Variants in LRP5 observed in about 807,000 individuals in gnomAD.
The protein encoded by LRP5 is low-density lipoprotein receptor-related protein 5.
In LRP5, 62 loss-of-function variants were observed where a neutral mutation model predicts 154.1. That is an observed-to-expected ratio of 0.40 (90% CI 0.33 to 0.50). LRP5 has a LOEUF of 0.50. Ranked by LOEUF, LRP5 falls within the 20% of genes least tolerant of loss-of-function variation. LRP5 has a pLI of 0.55. For synonymous variants in LRP5, 966 were observed against 1,011.5 expected, an observed-to-expected ratio of 0.96 and a Z score of 0.85; for missense variants, 1,915 against 2,336.7, an observed-to-expected ratio of 0.82 and a Z score of 3.72.
intron 1 of LRP5, among the ~76,000 whole-genome samples, chr11:68,313,401 G>C (rs1174293442): frequency 6.6e-6 from 1 of 152,120 alleles, no homozygotes; most frequent in East Asian, 1.9e-4. Context: ...TGTGGCCGCC[G>C]GGTCCCCAGA....
chr11:68,436,950 G>A lies in LRP5; in HGVS notation c.4062G>A (p.Gln1354=), dbSNP rs558375186. The change falls in exon 19 of 23, where the codon CAG becomes CAA. Residue 1354 remains glutamine (Q), a synonymous_variant. Coordinates refer to ENST00000294304, the MANE Select transcript of LRP5 (RefSeq NM_002335.4). ...GCCAGTGTGTCCTCATCAAACAGCA[G>A]TGCGACTCCTTCCCCGACTGTATCG... ...ASGQCVLIKQ[Q]CDSFPDCIDG... is the part of the protein sequence containing the mutation. The A allele has an allele frequency of 1.2e-6, 2 of 1,613,946 alleles. No homozygotes were observed. The highest frequency in any genetic ancestry group is 1.3e-5 in the African/African-American group (1 of 75,066).
In LRP5 at chr11:68,348,076, G is replaced by A; in HGVS notation, c.321G>A (p.Leu107=). 1.2e-6 allele frequency: 2 copies of A among 1,614,128 alleles called. No homozygotes were observed. The highest frequency in any genetic ancestry group is 1.7e-6 in the Non-Finnish European group (2 of 1,180,040). ...AAVQNVVISG[L]VSPDGLACDW... Reference sequence around the variant, plus strand: ...TGCAGAACGTGGTCATCTCCGGCCTGGTCTCTCCCGACGGCCTCGCCTGCG... The same window carrying A: ...TGCAGAACGTGGTCATCTCCGGCCTAGTCTCTCCCGACGGCCTCGCCTGCG... Residue 107 remains leucine (L), a synonymous_variant, in exon 2 of 23, where the codon CTG becomes CTA. Transcript: ENST00000294304.
upstream of LRP5, among the ~76,000 whole-genome samples, chr11:68,312,304 C>A (rs1482178758): frequency 6.6e-6 from 1 of 151,970 alleles, no homozygotes; most frequent in Admixed American, 6.5e-5. Flanking sequence ...AGTTTCCCCA[C>A]TCATAGAGGC....
chr11:68,317,252 C>T (rs1309762883), intron 1 of LRP5, among the ~76,000 whole-genome samples: 6 of 152,210 alleles, frequency 3.9e-5, no homozygotes, highest in Non-Finnish European at 7.3e-5. Context: ...AAAATCGGGA[C>T]GATGGTGTCC....
intron 3 of LRP5, among the ~76,000 whole-genome samples, chr11:68,359,004 A>G (rs2098625497): frequency 6.6e-6 from 1 of 152,236 alleles, no homozygotes; most frequent in Non-Finnish European, 1.5e-5. Flanking sequence ...GCCAACACCC[A>G]CATGAACAGA....
chr11:68,325,992 T>C (rs2508837), intron 1 of LRP5, among the ~76,000 whole-genome samples: 31,397 of 152,256 alleles, frequency 0.21, 3,938 homozygotes, highest in Non-Finnish European at 0.3. Flanking sequence ...TCAGCTCAGC[T>C]GAGAGGCTGC....
intron 1 of LRP5, among the ~76,000 whole-genome samples, chr11:68,342,495 G>A (rs992535036): frequency 6.6e-6 from 1 of 152,208 alleles, no homozygotes; most frequent in African/African-American, 2.4e-5. Context: ...CCCACACAGA[G>A]CTCTCCCATT....
Position 68,334,487 on chromosome 11 carries a change from C to T in LRP5, c.92-13360C>T, listed in dbSNP as rs549891962. Among the ~76,000 whole-genome samples, 5 of 152,304 alleles carry T rather than the reference C, an allele frequency of 3.3e-5. No homozygotes were observed. The South Asian group carries it at 6.2e-4, about 19-fold the overall frequency. ...TGGAGAAGGTGCTTACAAACTTGGA[C>T]GAGACAGTACCCAGACACATAGCTG... On this transcript the variant is annotated intron_variant, in intron 1 of 22. Coordinates refer to ENST00000294304, the MANE Select transcript of LRP5 (RefSeq NM_002335.4).
intron 7 of LRP5, among the ~76,000 whole-genome samples, chr11:68,397,972 T>TTGTG (rs113280059): frequency 0.069 from 9,769 of 142,136 alleles, 457 homozygotes; most frequent in East Asian, 0.18. Context: ...CTGTGTGTGT[T>TTGTG]TGTGTGTGTG....
chr11:68,308,750 T>A (rs537027681), upstream of LRP5, among the ~76,000 whole-genome samples: 2 of 149,390 alleles, frequency 1.3e-5, no homozygotes, highest in African/African-American at 4.9e-5. Context: ...GCCCCTTTCT[T>A]TTTTTTTTTC....
Position 68,414,261 on chromosome 11 carries a change from G to A in LRP5, c.2827+249G>A, listed in dbSNP as rs568626553. Among the ~76,000 whole-genome samples, 11 of 152,318 alleles carry A rather than the reference G, an allele frequency of 7.2e-5. No homozygotes were observed. The South Asian group carries it at 1.4e-3, about 20-fold the overall frequency. ...CTGGAAGGTCCTGGGCAGGATCTTT[G>A]GGTGTGAAAACCAGTCACAGGGGAA... On this transcript the variant is annotated intron_variant, in intron 12 of 22. Coordinates refer to ENST00000294304, the MANE Select transcript of LRP5 (RefSeq NM_002335.4).
At chr11:68,445,631 C>A in intron 21 of LRP5, 1 of 1,318,704 alleles carries the variant, frequency 7.6e-7, no homozygotes, top group Non-Finnish European at 9.9e-7. Context: ...ATAAGCCCTA[C>A]ACCCTTTGGG....
intron 5 of LRP5, among the ~76,000 whole-genome samples, chr11:68,384,240 C>T (rs529166937): frequency 1.5e-4 from 23 of 152,286 alleles, no homozygotes; most frequent in African/African-American, 5.1e-4. Flanking sequence ...TTCCTCCTGG[C>T]GAGAGCCAGA....
Position 68,438,614 on chromosome 11 carries a change from T to C in LRP5, c.4280T>C (p.Val1427Ala). Residue 1427 changes from valine to alanine, a missense_variant, in exon 20 of 23, where the codon GTC (valine) becomes GCC (alanine). Physicochemically the swap from Val to Ala is moderately conservative, Grantham distance 64 (BLOSUM62 0). Coordinates refer to ENST00000294304, the MANE Select transcript of LRP5 (RefSeq NM_002335.4). ...AACGGGCCCTTCCCGCACGAGTATGTCAGCGGGACCCCGCACGTGCCCCTC... is the reference window on the plus strand; with the variant it reads ...AACGGGCCCTTCCCGCACGAGTATGCCAGCGGGACCCCGCACGTGCCCCTC... ...GANGPFPHEY[V>A]SGTPHVPLNF... The C allele has an allele frequency of 6.2e-7, 1 of 1,613,860 alleles. No homozygotes were observed. Among genetic ancestry groups the C allele is most frequent in the Non-Finnish European group, 8.5e-7 (1 of 1,179,976 alleles).
intron 7 of LRP5, among the ~76,000 whole-genome samples, chr11:68,398,095 A>C (rs2098650556): frequency 6.6e-6 from 1 of 151,968 alleles, no homozygotes; most frequent in African/African-American, 2.4e-5. Flanking sequence ...TTTTGTGTTC[A>C]ACAGAGTGGG....
intron 5 of LRP5, among the ~76,000 whole-genome samples, chr11:68,370,104 G>C (rs1255263645): frequency 6.6e-6 from 1 of 152,088 alleles, no homozygotes; most frequent in Admixed American, 6.5e-5. Flanking sequence ...GCTGTCAGTG[G>C]GAGCCAGTAA....
chr11:68,425,818 G>A lies in LRP5; in HGVS notation c.3428-160G>A, dbSNP rs112912744. Among the ~76,000 whole-genome samples the A allele has an allele frequency of 5.8e-3, 887 of 152,124 alleles. 9 individuals are homozygous for A. Among genetic ancestry groups the A allele is most frequent in the African/African-American group, 0.02 (846 of 41,492 alleles). On this transcript the variant is annotated intron_variant, in intron 15 of 22. Transcript: ENST00000294304. ...GCTTTCCGAGGGCTTGTCTTGGGTC[G>A]GCCTGCTTCCAGGGACTCTGCTGCA...
chr11:68,380,801 C>T (rs2098639852), intron 5 of LRP5, among the ~76,000 whole-genome samples: 1 of 152,238 alleles, frequency 6.6e-6, no homozygotes, highest in South Asian at 2.1e-4. Context: ...TCTCTCTGGC[C>T]TCTGTGCAGT....
intron 19 of LRP5, among the ~76,000 whole-genome samples, chr11:68,437,659 C>T (rs917454328): frequency 3.9e-5 from 6 of 152,202 alleles, no homozygotes; most frequent in Admixed American, 6.5e-5. Context: ...TGGCTGCAGT[C>T]GGGAGAGAAG....
Sources: gnomAD v4.1 joint callset for allele counts (sites outside exome capture counted in the v4.1 genomes callset) on GRCh38, gnomAD v4.1.1 for gene constraint, MANE v1.5 for transcripts, NCBI Gene and HGNC (gene_info 2026-07-23, HGNC 2026-07-21) for gene names.